PRAG1: variants seen among roughly 807,000 people sequenced by gnomAD.
PRAG1 encodes the protein PEAK1 related, kinase-activating pseudokinase 1, also known as inactive tyrosine-protein kinase PRAG1.
In PRAG1, 110 loss-of-function variants were observed where a neutral mutation model predicts 95.6. That is an observed-to-expected ratio of 1.15 (90% CI 0.99 to 1.35). The LOEUF (loss-of-function observed/expected upper bound fraction) is 1.35. Among genes scored for constraint, PRAG1 ranks in the 40% most tolerant of loss-of-function variants. The probability of loss-of-function intolerance (pLI) is 0.00; values close to 1 mark genes in which losing one functional copy is unlikely to be tolerated. For synonymous variants in PRAG1, 1,052 were observed against 819.4 expected (o/e 1.28, Z -4.85); for missense variants, 2,554 against 1,864.7 (o/e 1.37, Z -6.81).
At chr8:8,336,682 C>G (rs1798992723) in intron 4 of PRAG1, among the ~76,000 whole-genome samples, 1 of 151,620 alleles carries the variant, frequency 6.6e-6, no homozygotes, top group African/African-American at 2.4e-5. Context: ...TTTCCTTATA[C>G]AACTAAAACC....
chr8:8,335,661 A>C (rs1798962546), intron 4 of PRAG1, among the ~76,000 whole-genome samples: 1 of 152,230 alleles, frequency 6.6e-6, no homozygotes, highest in African/African-American at 2.4e-5. Flanking sequence ...AGCTCAGGCC[A>C]CAGAAAATTT....
intron 2 of PRAG1, 115 bp from the exon 3 acceptor site, chr8:8,378,193 G>C (rs1031202847): frequency 3.5e-5 from 43 of 1,240,422 alleles, no homozygotes; most frequent in Non-Finnish European, 2.7e-5. Context: ...CTGTAGTGCA[G>C]TGCAGGGGCG....
chr8:8,343,941 A>C (rs774799670), intron 3 of PRAG1, among the ~76,000 whole-genome samples: 2 of 152,114 alleles, frequency 1.3e-5, no homozygotes, highest in Non-Finnish European at 2.9e-5. Flanking sequence ...GGAAAAAATA[A>C]TTATAGTAAT....
chr8:8,349,312 G>T (rs377681911), intron 3 of PRAG1, among the ~76,000 whole-genome samples: 1 of 147,952 alleles, frequency 6.8e-6, no homozygotes, highest in Admixed American at 6.7e-5. Context: ...ACAGAGTCTC[G>T]CTCTGTCACC....
intron 3 of PRAG1, among the ~76,000 whole-genome samples, chr8:8,375,296 C>T (rs990222534): frequency 1.3e-5 from 2 of 152,006 alleles, no homozygotes; most frequent in South Asian, 2.1e-4. Context: ...CTCCACCTCC[C>T]GGGTTCACGC....
In PRAG1 at chr8:8,318,431, CG is replaced by C; in HGVS notation, c.3943del (p.Arg1315ValfsTer43). The C allele has an allele frequency of 6.2e-7, 1 of 1,612,784 alleles. No individual in the cohort carries two copies. The highest frequency in any genetic ancestry group is 8.5e-7 in the Non-Finnish European group (1 of 1,179,802). ...HLLLEADPIKRIRIGEAKRVL... is the reference protein window; with the variant it reads ...HLLLEADPIKXIRIGEAKRVL... ...GCGCTTGGCCTCGCCGATGCGGATA[CG>C]CTTGATGGGGTCGGCCTCCAGTAGC... On this transcript the variant is annotated frameshift_variant, in exon 6 of 6. Transcript: ENST00000615670. LOFTEE classifies it high-confidence loss of function. The surrounding 1 kb of genome is among the most constrained non-coding windows in gnomAD (Gnocchi z 4.2).
Position 8,377,954 on chromosome 8 carries a change from T to C in PRAG1, c.455A>G (p.Asn152Ser). 4 of 1,613,834 alleles carry C rather than the reference T, an allele frequency of 2.5e-6. No homozygotes were observed. The highest frequency in any genetic ancestry group is 3.4e-6 in the Non-Finnish European group (4 of 1,179,958). Reference sequence around the variant, plus strand: ...GGTGTAAGCTGGGGGACAGCGAGAATTGCCATCAGGGGAGGTAGAGGGACC... The same window carrying C: ...GGTGTAAGCTGGGGGACAGCGAGAACTGCCATCAGGGGAGGTAGAGGGACC... ...PAGPSTSPDG[N>S]SRCPPAYTMV... Residue 152 changes from asparagine (N) to serine (S), a missense_variant, in exon 3 of 6, where the codon AAT (asparagine) becomes AGT (serine). Physicochemically the swap from Asn to Ser is conservative, Grantham distance 46 (BLOSUM62 1). Transcript: ENST00000615670.
In PRAG1 at chr8:8,339,557, G is replaced by A; in HGVS notation, c.2241C>T (p.Ser747=). The A allele has an allele frequency of 1.9e-6, 3 of 1,614,194 alleles. No individual in the cohort carries two copies. The highest frequency in any genetic ancestry group is 2.5e-6 in the Non-Finnish European group (3 of 1,180,038). ...SQGSAESLSP[S]FRGVHVSFTT... ...TGAAGCTGACGTGGACACCCCTGAA[G>A]GATGGGCTGAGGCTTTCTGCAGAGC... is the stretch of plus-strand genomic sequence containing the variant. The change falls in exon 4 of 6, where the codon TCC becomes TCT. Residue 747 remains serine (S), a synonymous_variant. Transcript: ENST00000615670.
In PRAG1 at chr8:8,376,601, C is replaced by A. The variant is rs751000703; in HGVS notation, c.1808G>T (p.Gly603Val). ...ADPAPSCRTN[G>V]VAISDPSRCP... The stretch of plus-strand genomic sequence containing the variant: ...CCTGGATGGGTCACTGATAGCGACA[C>A]CGTTGGTCCGGCAGGAAGGAGCGGG... The change falls in exon 3 of 6, where the codon GGT (glycine) becomes GTT (valine). Residue 603 changes from glycine (G) to valine (V), a missense_variant. Transcript: ENST00000615670. 2 of 1,603,586 alleles carry A rather than the reference C, an allele frequency of 1.2e-6. No homozygotes were observed. Among genetic ancestry groups the A allele is most frequent in the African/African-American group, 1.3e-5 (1 of 74,776 alleles).
intron 5 of PRAG1, among the ~76,000 whole-genome samples, chr8:8,326,451 G>C (rs996128430): frequency 6.6e-6 from 1 of 152,044 alleles, no homozygotes; most frequent in African/African-American, 2.4e-5. Flanking sequence ...TCTCCCTCCT[G>C]ACTCCCAATA....
At chr8:8,336,913 CCT>C (rs199576468) in intron 4 of PRAG1, among the ~76,000 whole-genome samples, 3,052 of 91,562 alleles carry the variant, frequency 0.033, 335 homozygotes, top group African/African-American at 0.11. Flanking sequence ...CCCTTTCCCC[CCT>C]CCCCCCACCT....
intron 4 of PRAG1, among the ~76,000 whole-genome samples, chr8:8,329,389 C>CTAATAA (rs146318226): frequency 0.14 from 20,638 of 150,838 alleles, 1,615 homozygotes; most frequent in East Asian, 0.29. Context: ...GAAACTTCAT[C>CTAATAA]TAATAATAAT....
At chr8:8,350,829 A>G (rs1799495705) in intron 3 of PRAG1, among the ~76,000 whole-genome samples, 1 of 152,200 alleles carries the variant, frequency 6.6e-6, no homozygotes, top group Non-Finnish European at 1.5e-5. Context: ...GTTATTAGAA[A>G]GATTCAATGA....
At chr8:8,335,214 C>A (rs934824877) in intron 4 of PRAG1, among the ~76,000 whole-genome samples, 1 of 152,184 alleles carries the variant, frequency 6.6e-6, no homozygotes, top group Non-Finnish European at 1.5e-5. Flanking sequence ...GATTTGCTCA[C>A]CAAATCATGC....
chr8:8,370,837 G>C (rs1265769978), intron 3 of PRAG1, among the ~76,000 whole-genome samples: 1 of 152,162 alleles, frequency 6.6e-6, no homozygotes, highest in Non-Finnish European at 1.5e-5. Context: ...CTGAGAAGCA[G>C]CTCAGGAGGA....
intron 4 of PRAG1, among the ~76,000 whole-genome samples, chr8:8,337,958 A>G (rs1799043511): frequency 6.6e-6 from 1 of 151,994 alleles, no homozygotes; most frequent in Non-Finnish European, 1.5e-5. Flanking sequence ...CTTCTCCCAC[A>G]TGCACTGCCA....
intron 4 of PRAG1, among the ~76,000 whole-genome samples, chr8:8,334,706 T>C: frequency 6.7e-6 from 1 of 149,958 alleles, no homozygotes; most frequent in East Asian, 1.9e-4. Context: ...CATGTGGTCC[T>C]GGAATTATGA....
rs1800416806 is a variant in PRAG1, at chr8:8,376,768, C to G, written c.1641G>C (p.Lys547Asn). The part of the protein sequence containing the change: ...KPKERPAIPP[K>N]LSKSSPVGSP... ...ACCCTACAGGGCTACTCTTGGACAACTTGGGGGGAATGGCGGGCCTCTCCT... is the reference window on the plus strand; with the variant it reads ...ACCCTACAGGGCTACTCTTGGACAAGTTGGGGGGAATGGCGGGCCTCTCCT... Residue 547 changes from lysine (K) to asparagine (N), a missense_variant, in exon 3 of 6, where the codon AAG (lysine) becomes AAC (asparagine). Lys to Asn is a moderately conservative substitution (Grantham distance 94). Transcript: ENST00000615670. 6.2e-7 allele frequency: 1 copy of G among 1,610,716 alleles called. No individual in the cohort carries two copies. Among genetic ancestry groups the G allele is most frequent in the African/African-American group, 1.3e-5 (1 of 75,044 alleles).
chr8:8,319,215 A>C lies in PRAG1; in HGVS notation c.3160T>G (p.Phe1054Val). ...HFNIQQDCGH[F>V]VASVPSSMLS... ...ATGCTGGACGGCACCGAGGCGACGA[A>C]GTGGCCGCAGTCCTGCTGGATGTTA... Residue 1054 changes from phenylalanine (F) to valine (V), a missense_variant, in exon 6 of 6, where the codon TTC (phenylalanine) becomes GTC (valine). Physicochemically the swap from Phe to Val is conservative, Grantham distance 50. Coordinates refer to ENST00000615670, the MANE Select transcript of PRAG1 (RefSeq NM_001080826.3). 6.3e-7 allele frequency: 1 copy of C among 1,581,688 alleles called. No individual in the cohort carries two copies. Among genetic ancestry groups the C allele is most frequent in the Non-Finnish European group, 8.6e-7 (1 of 1,160,324 alleles).
Sources: gnomAD v4.1 joint callset for allele counts (sites outside exome capture counted in the v4.1 genomes callset) on GRCh38, gnomAD v4.1.1 for gene constraint, Gnocchi (gnomAD v3.1) non-coding constraint, MANE v1.5 for transcripts, NCBI Gene and HGNC (gene_info 2026-07-23, HGNC 2026-07-21) for gene names.